Variants in TAOK1 observed in about 807,000 individuals in gnomAD.
TAOK1 encodes TAO kinase 1.
TAOK1 carries 21 observed loss-of-function variants against 138.3 expected under a neutral mutation model. That is an observed-to-expected ratio of 0.15 (90% CI 0.11 to 0.22). TAOK1 has a LOEUF of 0.22. Among genes scored for constraint, TAOK1 ranks in the 10% least tolerant of loss-of-function variants. The pLI is 1.00. For missense variants in TAOK1, 651 were observed against 1,227.7 expected, an observed-to-expected ratio of 0.53 and a Z score of 7.02; for synonymous variants, 361 against 398.4, an observed-to-expected ratio of 0.91 and a Z score of 1.12.
At chr17:29,431,753 C>T (rs1182881400) in intron 1 of TAOK1, among the ~76,000 whole-genome samples, 1 of 151,530 alleles carries the variant, frequency 6.6e-6, no homozygotes, top group Non-Finnish European at 1.5e-5. Flanking sequence ...AATTCTGCCT[C>T]AGCCTCCCAA....
intron 1 of TAOK1, among the ~76,000 whole-genome samples, chr17:29,433,302 G>A (rs1287466788): frequency 6.6e-6 from 1 of 151,664 alleles, no homozygotes; most frequent in Non-Finnish European, 1.5e-5. Flanking sequence ...GTGGTGGCGG[G>A]CATCTGTAAT....
chr17:29,476,113 T>C (rs201726384), intron 4 of TAOK1, among the ~76,000 whole-genome samples: 2 of 152,242 alleles, frequency 1.3e-5, no homozygotes, highest in East Asian at 3.8e-4. Context: ...AAATGTACTG[T>C]AATGCATTTA....
intron 5 of TAOK1, 109 bp downstream of exon 5, chr17:29,477,815 G>A (rs2030979187): frequency 1.8e-6 from 1 of 559,296 alleles, no homozygotes; most frequent in South Asian, 6.6e-5. Context: ...TCCAGAAAGA[G>A]CAGAACTCTT....
chr17:29,454,782 G>A (rs9897945), intron 2 of TAOK1, among the ~76,000 whole-genome samples: 94,326 of 151,722 alleles, frequency 0.62, 30,533 homozygotes, highest in East Asian at 0.97. Context: ...GCTCACTGCA[G>A]CCTCGGCCTC....
At chr17:29,482,831 TGAGAGA>T (rs750285831) in intron 8 of TAOK1, among the ~76,000 whole-genome samples, 1 of 149,596 alleles carries the variant, frequency 6.7e-6, no homozygotes, top group Non-Finnish European at 1.5e-5. Context: ...GGTCTTGCAA[TGAGAGA>T]GAGAGAGAGA....
At chr17:29,396,992 A>G (rs1169479820) in intron 1 of TAOK1, among the ~76,000 whole-genome samples, 3 of 24,678 alleles carry the variant, frequency 1.2e-4, no homozygotes, top group Non-Finnish European at 1.9e-4. Flanking sequence ...CTCTGTCTCA[A>G]AAAAAAAAAA....
At chr17:29,408,330 A>C (rs1236210588) in intron 1 of TAOK1, among the ~76,000 whole-genome samples, 1 of 150,162 alleles carries the variant, frequency 6.7e-6, no homozygotes, top group African/African-American at 2.5e-5. Flanking sequence ...GGCTCAAGCT[A>C]TCCTCTCACC....
Position 29,548,907 on chromosome 17 carries a change from A to G in TAOK1, c.*5885A>G, listed in dbSNP as rs1251634876. 6.6e-6 allele frequency: 1 copy of G among 152,164 alleles called. No homozygotes were observed. The highest frequency in any genetic ancestry group is 2.4e-5 in the African/African-American group (1 of 41,458). The allele number at this position is 152,164 out of a possible 1,614,324, so 9.4% of individuals were successfully genotyped here. A position where few individuals can be genotyped will look rare whatever the true frequency, so the allele number is the denominator to read the frequency against. ...AAACAGGGGGAAATGAAGCTTAATC[A>G]TGGTCAGGTTTGAGATCTTTTGCAG... On this transcript the variant is annotated 3_prime_UTR_variant, in exon 20 of 20. Coordinates refer to ENST00000261716, the MANE Select transcript of TAOK1 (RefSeq NM_020791.4).
At chr17:29,484,419 A>T (rs890587647) in intron 8 of TAOK1, among the ~76,000 whole-genome samples, 16 of 152,224 alleles carry the variant, frequency 1.1e-4, no homozygotes, top group African/African-American at 3.4e-4. Flanking sequence ...AAAGTAGCAC[A>T]GGCCAGGAAA....
At chr17:29,437,055 T>C (rs993974085) in intron 1 of TAOK1, among the ~76,000 whole-genome samples, 3 of 152,050 alleles carry the variant, frequency 2.0e-5, no homozygotes, top group African/African-American at 7.2e-5. Flanking sequence ...AAAAAAACCT[T>C]TTTTGTTTGT....
At chr17:29,530,961 A>ATTTTTTTTTTTTTTT (rs1189516085) in intron 18 of TAOK1, among the ~76,000 whole-genome samples, 2 of 39,246 alleles carry the variant, frequency 5.1e-5, no homozygotes, top group Non-Finnish European at 1.0e-4. Flanking sequence ...TACAAGTACA[A>ATTTTTTTTTTTTTTT]ATTTTTTTTT....
At chr17:29,500,925 TTC>T (rs2031512224) in intron 12 of TAOK1, among the ~76,000 whole-genome samples, 4 of 152,000 alleles carry the variant, frequency 2.6e-5, no homozygotes, top group Admixed American at 2.6e-4. Flanking sequence ...AATAGGCAAA[TTC>T]ATAGTGACAG....
At chr17:29,486,121 A>G (rs971086188) in intron 8 of TAOK1, among the ~76,000 whole-genome samples, 2 of 152,010 alleles carry the variant, frequency 1.3e-5, no homozygotes, top group Non-Finnish European at 2.9e-5. Flanking sequence ...CCCCATCTCT[A>G]CAAAAAATAC....
intron 10 of TAOK1, among the ~76,000 whole-genome samples, chr17:29,493,669 A>G (rs1377153508): frequency 2.6e-5 from 4 of 152,190 alleles, no homozygotes; most frequent in Admixed American, 1.3e-4. Context: ...ATATTATCAC[A>G]GCCCTATTTG....
At chr17:29,477,747 A>T (rs545094920) in intron 5 of TAOK1, 41 bp downstream of exon 5, 1 of 1,213,864 alleles carries the variant, frequency 8.2e-7, no homozygotes, top group Admixed American at 2.7e-5. Flanking sequence ...TATTCACAGA[A>T]TAAAATGATA....
intron 1 of TAOK1, among the ~76,000 whole-genome samples, chr17:29,393,227 T>TA (rs1904484567): frequency 6.6e-6 from 1 of 152,132 alleles, no homozygotes; most frequent in Non-Finnish European, 1.5e-5. Context: ...GATCGAAGCA[T>TA]ACTGCTCAGT....
chr17:29,432,792 A>AGAGAGAGACAGAGTTGTGCTCTGTCTCT (rs1905888811), intron 1 of TAOK1, among the ~76,000 whole-genome samples: 1 of 144,130 alleles, frequency 6.9e-6, no homozygotes, highest in Admixed American at 7.0e-5. Context: ...TTTTTTTTTT[A>AGAGAGAGACAGAGTTGTGCTCTGTCTCT]GAGAGAGACA....
intron 1 of TAOK1, among the ~76,000 whole-genome samples, chr17:29,447,794 T>TTA (rs2030128378): frequency 6.6e-6 from 1 of 151,334 alleles, no homozygotes; most frequent in South Asian, 2.1e-4. Flanking sequence ...GTAGCTGGGA[T>TTA]TACAGGTGCT....
intron 1 of TAOK1, among the ~76,000 whole-genome samples, chr17:29,420,583 C>CGGT (rs1905401305): frequency 1.1e-5 from 1 of 90,904 alleles, no homozygotes; most frequent in Admixed American, 1.1e-4. Flanking sequence ...AATACTTAAT[C>CGGT]TGTTTTTTTT....
Sources: allele counts gnomAD v4.1 joint callset (sites outside exome capture counted in the v4.1 genomes callset), GRCh38; gene constraint gnomAD v4.1.1; transcripts MANE v1.5; gene names NCBI Gene and HGNC (gene_info 2026-07-23, HGNC 2026-07-21).